Variants in SH3BP4 observed in about 807,000 individuals in gnomAD.
SH3BP4 encodes SH3 domain binding protein 4.
Under a neutral mutation model 65.5 loss-of-function variants are expected in SH3BP4, and 33 were observed. The ratio of observed to expected loss-of-function variants is 0.50; its 90% CI spans 0.38 to 0.67. SH3BP4 has a LOEUF of 0.67. Ranked by LOEUF, SH3BP4 falls within the 30% of genes least tolerant of loss-of-function variation. The pLI is 0.00. For synonymous variants in SH3BP4, 552 were observed against 545.5 expected, an observed-to-expected ratio of 1.01 and a Z score of -0.17; for missense variants, 1,134 against 1,261.4, an observed-to-expected ratio of 0.90 and a Z score of 1.53.
chr2:235,043,130 C>T lies in SH3BP4; in HGVS notation c.2361C>T (p.Cys787=), dbSNP rs1695732696. The change falls in exon 4 of 6, where the codon TGC becomes TGT. Residue 787 remains cysteine (C), a synonymous_variant. Transcript: ENST00000392011. ...TGAACCTGCCGCTCACCTTTTTCTGCCGGGCAGAGCTGGATAGTGAGCCCG... is the reference window on the plus strand; with the variant it reads ...TGAACCTGCCGCTCACCTTTTTCTGTCGGGCAGAGCTGGATAGTGAGCCCG... ...GYVNLPLTFF[C]RAELDSEPER... 6.2e-7 allele frequency: 1 copy of T among 1,613,736 alleles called. No individual in the cohort carries two copies. The highest frequency in any genetic ancestry group is 2.2e-5 in the East Asian group (1 of 44,886).
chr2:235,053,267 C>G (rs1696120078), intron 5 of SH3BP4, among the ~76,000 whole-genome samples: 1 of 152,204 alleles, frequency 6.6e-6, no homozygotes, highest in Admixed American at 6.5e-5. Context: ...AAGGACAAAG[C>G]TGTCTTTTAT....
intron 1 of SH3BP4, among the ~76,000 whole-genome samples, chr2:234,986,613 C>G (rs1693567945): frequency 6.6e-6 from 1 of 151,826 alleles, no homozygotes; most frequent in Non-Finnish European, 1.5e-5. Context: ...TGGCTGGTGG[C>G]TTTGGGTTAG....
chr2:234,973,615 G>C (rs1403477833), intron 1 of SH3BP4, among the ~76,000 whole-genome samples: 4 of 151,648 alleles, frequency 2.6e-5, no homozygotes, highest in East Asian at 1.9e-4. Context: ...ACTTAATTCA[G>C]CTGTAGGCTC....
intron 1 of SH3BP4, among the ~76,000 whole-genome samples, chr2:234,987,717 C>A (rs186466665): frequency 6.6e-6 from 1 of 152,264 alleles, no homozygotes; most frequent in African/African-American, 2.4e-5. Context: ...ACCTTCACCC[C>A]CCACAGCCAC....
chr2:235,028,668 G>A (rs1161115709), intron 2 of SH3BP4, among the ~76,000 whole-genome samples: 2 of 152,154 alleles, frequency 1.3e-5, no homozygotes, highest in Non-Finnish European at 2.9e-5. Context: ...TGGAGAAATT[G>A]GGCCAGGGAC....
intron 2 of SH3BP4, among the ~76,000 whole-genome samples, chr2:235,000,035 T>C (rs1440039445): frequency 6.6e-6 from 1 of 152,216 alleles, no homozygotes; most frequent in African/African-American, 2.4e-5. Flanking sequence ...TTGATTCACC[T>C]GTACCTGGTC....
At chr2:235,017,073 A>G (rs1246811981) in intron 2 of SH3BP4, among the ~76,000 whole-genome samples, 1 of 79,318 alleles carries the variant, frequency 1.3e-5, no homozygotes, top group East Asian at 3.8e-4. Context: ...TTTTTTTGGT[A>G]TATAGCCTTC....
intron 2 of SH3BP4, among the ~76,000 whole-genome samples, chr2:235,032,545 C>G (rs536060219): frequency 6.6e-6 from 1 of 152,340 alleles, no homozygotes; most frequent in African/African-American, 2.4e-5. Context: ...CAGTGGCCTC[C>G]AAGCAGCCCG....
At chr2:234,969,891 T>C (rs914817950) in intron 1 of SH3BP4, among the ~76,000 whole-genome samples, 1 of 149,734 alleles carries the variant, frequency 6.7e-6, no homozygotes, top group Admixed American at 6.6e-5. Context: ...TCGCTGTCTC[T>C]CACACACACA....
intron 1 of SH3BP4, among the ~76,000 whole-genome samples, chr2:234,956,353 C>T (rs1405679043): frequency 3.9e-5 from 6 of 152,152 alleles, no homozygotes; most frequent in Non-Finnish European, 8.8e-5. Flanking sequence ...AATAAGGGTT[C>T]CACCTTCCTC....
In SH3BP4 at chr2:235,053,660, T is replaced by A; in HGVS notation, c.2736T>A (p.Asp912Glu). ...ATCAGATCGGGGACAGCTACCGGGA[T>A]GTCATCCAGGAGCTGCACCTGGGCC... ...WSHQIGDSYR[D>E]VIQELHLGLD... Residue 912 changes from aspartate (D) to glutamate (E), a missense_variant, in exon 6 of 6, where the codon GAT (aspartate) becomes GAA (glutamate). Transcript: ENST00000392011. 6.2e-7 allele frequency: 1 copy of A among 1,614,210 alleles called. No individual in the cohort carries two copies. Among genetic ancestry groups the A allele is most frequent in the Non-Finnish European group, 8.5e-7 (1 of 1,180,022 alleles).
chr2:235,030,886 G>A lies in SH3BP4; in HGVS notation c.-132-3985G>A, dbSNP rs917685799. Among the ~76,000 whole-genome samples, 1 of 152,172 alleles carries A rather than the reference G, an allele frequency of 6.6e-6. No individual in the cohort carries two copies. Among genetic ancestry groups the A allele is most frequent in the African/African-American group, 2.4e-5 (1 of 41,428 alleles). ...CACTCAGTCCACACCAGGGCTGGCT[G>A]CCCTCTTTCTGTACTGTAAAAACGG... On this transcript the variant is annotated intron_variant, in intron 2 of 5. Coordinates refer to ENST00000392011, the MANE Select transcript of SH3BP4 (RefSeq NM_014521.3). This position sits in a 1 kb window ranked among gnomAD's most constrained non-coding sequence, Gnocchi z 4.1.
At chr2:235,010,195 G>A (rs1694433883) in intron 2 of SH3BP4, among the ~76,000 whole-genome samples, 1 of 152,128 alleles carries the variant, frequency 6.6e-6, no homozygotes, top group Non-Finnish European at 1.5e-5. Context: ...CATAAACCTT[G>A]AGCCAGTATA....
rs1693243819 is a variant in SH3BP4 at position 234,978,514 on chromosome 2, C to T, written c.-206-16789C>T. The stretch of plus-strand genomic sequence containing the variant: ...TGTGCTCGCTGACTGGTGCGGTGAA[C>T]TCTCCGGCTGGGCTCCTTTCCTGCT... On this transcript the variant is annotated intron_variant, in intron 1 of 5. Transcript: ENST00000392011. The surrounding 1 kb of genome is among the most constrained non-coding windows in gnomAD (Gnocchi z 4.1). 6.6e-6 allele frequency among the ~76,000 whole-genome samples: 1 copy of T among 152,224 alleles called. No individual in the cohort carries two copies. Among genetic ancestry groups the T allele is most frequent in the Non-Finnish European group, 1.5e-5 (1 of 68,042 alleles).
chr2:234,966,755 G>A (rs1692848103), intron 1 of SH3BP4, among the ~76,000 whole-genome samples: 2 of 152,192 alleles, frequency 1.3e-5, no homozygotes, highest in South Asian at 2.1e-4. Flanking sequence ...TGAATTATAA[G>A]GGTCTTTTGA....
At chr2:234,986,589 T>C (rs1307661124) in intron 1 of SH3BP4, among the ~76,000 whole-genome samples, 2 of 152,114 alleles carry the variant, frequency 1.3e-5, no homozygotes, top group African/African-American at 4.8e-5. Flanking sequence ...TGTTTGTCGT[T>C]ACTCTGCATA....
chr2:234,955,989 A>C (rs1692576897), intron 1 of SH3BP4, among the ~76,000 whole-genome samples: 1 of 152,210 alleles, frequency 6.6e-6, no homozygotes, highest in South Asian at 2.1e-4. Context: ...TTAAAGAAAC[A>C]AACGGCTCTC....
rs148144414 is a variant in SH3BP4, at chr2:234,973,395, T to C, written c.-207+21225T>C. 1.7e-3 allele frequency among the ~76,000 whole-genome samples: 255 copies of C among 152,308 alleles called. 10 individuals carry two copies. In the South Asian group the frequency reaches 0.039, roughly 24 times the overall value. On this transcript the variant is annotated intron_variant, in intron 1 of 5. Transcript: ENST00000392011. ...TTAACATTTCCCTTCCAATCTTCCT[T>C]GCTAAGATTGGCATCTTTGCAGCAT...
intron 4 of SH3BP4, among the ~76,000 whole-genome samples, chr2:235,050,794 C>T (rs1362109921): frequency 6.6e-6 from 1 of 151,854 alleles, no homozygotes; most frequent in Non-Finnish European, 1.5e-5. Flanking sequence ...GCTATCGGCA[C>T]AAAATAGTTG....
Sources: allele counts gnomAD v4.1 joint callset (sites outside exome capture counted in the v4.1 genomes callset), GRCh38; gene constraint gnomAD v4.1.1; non-coding constraint Gnocchi (gnomAD v3.1); transcripts MANE v1.5; gene names NCBI Gene and HGNC (gene_info 2026-07-23, HGNC 2026-07-21).